DPP10: variants seen among roughly 807,000 people sequenced by gnomAD.
DPP10 encodes inactive dipeptidyl peptidase 10.
In DPP10, 33 loss-of-function variants were observed where a neutral mutation model predicts 120.9. The observed-to-expected ratio is 0.27, with a 90% CI of 0.21 to 0.37. The LOEUF is 0.37. DPP10 is among the 10% of genes least tolerant of loss of function. DPP10 has a pLI of 1.00. For synonymous variants in DPP10, 337 were observed against 326.1 expected (o/e 1.03, Z -0.36); for missense variants, 816 against 942.8 (o/e 0.87, Z 1.76).
At chr2:114,864,349 C>G (rs1206450480) in intron 1 of DPP10, among the ~76,000 whole-genome samples, 1 of 152,186 alleles carries the variant, frequency 6.6e-6, no homozygotes, top group South Asian at 2.1e-4. Context: ...GGCCACATCT[C>G]CCTGTCAGTC....
At chr2:115,785,942 T>C (rs1317695598) in intron 17 of DPP10, among the ~76,000 whole-genome samples, 2 of 152,000 alleles carry the variant, frequency 1.3e-5, no homozygotes, top group African/African-American at 2.4e-5. Flanking sequence ...TAAAATTAAA[T>C]GCTTAGGATA....
At chr2:114,959,140 C>A (rs1199329164) in intron 1 of DPP10, among the ~76,000 whole-genome samples, 1 of 152,150 alleles carries the variant, frequency 6.6e-6, no homozygotes, top group Non-Finnish European at 1.5e-5. Flanking sequence ...CTCACTGCAA[C>A]CTCCACCTCC....
intron 5 of DPP10, among the ~76,000 whole-genome samples, chr2:115,641,016 A>C (rs928022219): frequency 3.9e-5 from 6 of 152,192 alleles, no homozygotes; most frequent in Non-Finnish European, 8.8e-5. Context: ...AATAGCTTTG[A>C]AAATAGAATA....
intron 1 of DPP10, among the ~76,000 whole-genome samples, chr2:115,203,851 T>A (rs1171221150): frequency 6.6e-6 from 1 of 152,186 alleles, no homozygotes; most frequent in Non-Finnish European, 1.5e-5. Context: ...CAATCAAAAT[T>A]CTTTCCCTCC....
chr2:115,216,444 G>A (rs1165314197), intron 1 of DPP10, among the ~76,000 whole-genome samples: 1 of 152,196 alleles, frequency 6.6e-6, no homozygotes, highest in African/African-American at 2.4e-5. Context: ...AAACGCATAT[G>A]TACGTAAGTG....
At chr2:114,878,439 A>T (rs1691332187) in intron 1 of DPP10, among the ~76,000 whole-genome samples, 1 of 152,152 alleles carries the variant, frequency 6.6e-6, no homozygotes, top group South Asian at 2.1e-4. Context: ...GGAAATTTCA[A>T]GTAGTCTCTT....
At chr2:114,826,522 G>A (rs1219063619) in intron 1 of DPP10, among the ~76,000 whole-genome samples, 2 of 152,158 alleles carry the variant, frequency 1.3e-5, no homozygotes, top group East Asian at 3.9e-4. Flanking sequence ...AAGTTGCAAA[G>A]GGCCAGAGAA....
chr2:115,804,932 G>A (rs2149992573), intron 19 of DPP10, among the ~76,000 whole-genome samples: 1 of 152,316 alleles, frequency 6.6e-6, no homozygotes, highest in African/African-American at 2.4e-5. Flanking sequence ...GCTGCATGCT[G>A]GGAAAACTAC....
rs2105505869 is a variant in DPP10 at position 114,654,547 on chromosome 2, G to A, written c.60+211709G>A. ...TGTTCTAGCAGAATTTAAAACAGAGGATGAAACTTGGAGAACTCTGGGCTA... is the reference window on the plus strand; with the variant it reads ...TGTTCTAGCAGAATTTAAAACAGAGAATGAAACTTGGAGAACTCTGGGCTA... On this transcript the variant is annotated intron_variant, in intron 1 of 25. Coordinates refer to ENST00000410059, the MANE Select transcript of DPP10 (RefSeq NM_020868.6). Among the ~76,000 whole-genome samples the A allele has an allele frequency of 2.0e-5, 3 of 152,206 alleles. No homozygotes were observed. The South Asian group carries it at 6.2e-4, about 32-fold the overall frequency.
chr2:115,256,982 T>C (rs2059029443), intron 1 of DPP10, among the ~76,000 whole-genome samples: 1 of 152,200 alleles, frequency 6.6e-6, no homozygotes, highest in East Asian at 1.9e-4. Context: ...ATAAACAGAA[T>C]GCAGCCAAGT....
At chr2:114,807,656 G>A (rs992335655) in intron 1 of DPP10, among the ~76,000 whole-genome samples, 5 of 151,860 alleles carry the variant, frequency 3.3e-5, no homozygotes, top group Admixed American at 2.0e-4. Context: ...TATGATATAC[G>A]TATCTATGTT....
intron 1 of DPP10, among the ~76,000 whole-genome samples, chr2:114,888,178 G>A (rs1211494883): frequency 6.6e-6 from 1 of 150,950 alleles, no homozygotes; most frequent in Non-Finnish European, 1.5e-5. Context: ...AAAAGAAAAT[G>A]AGTATCATAA....
chr2:115,694,685 C>CAA (rs2091487079), intron 7 of DPP10, among the ~76,000 whole-genome samples: 3 of 152,242 alleles, frequency 2.0e-5, no homozygotes, highest in Admixed American at 2.0e-4. Flanking sequence ...ATAACAATTG[C>CAA]TACAGTAGAC....
At chr2:115,211,154 A>G (rs1353294852) in intron 1 of DPP10, among the ~76,000 whole-genome samples, 2 of 152,070 alleles carry the variant, frequency 1.3e-5, no homozygotes, top group East Asian at 3.9e-4. Flanking sequence ...TTATTATTTT[A>G]CAAAATGTAT....
chr2:114,880,352 G>A (rs1170282673), intron 1 of DPP10, among the ~76,000 whole-genome samples: 2 of 152,080 alleles, frequency 1.3e-5, no homozygotes, highest in Admixed American at 6.6e-5. Flanking sequence ...TTTCATATTC[G>A]AGACTTCAAA....
intron 3 of DPP10, among the ~76,000 whole-genome samples, chr2:115,494,649 G>T (rs1307645065): frequency 6.6e-6 from 1 of 152,022 alleles, no homozygotes; most frequent in Admixed American, 6.6e-5. Flanking sequence ...AGATTTATTT[G>T]AGCATTTCCT....
At chr2:115,735,896 A>G (rs1245003761) in intron 8 of DPP10, among the ~76,000 whole-genome samples, 1 of 151,924 alleles carries the variant, frequency 6.6e-6, no homozygotes, top group Non-Finnish European at 1.5e-5. Flanking sequence ...TATTGGGCAA[A>G]AATGTATTTG....
At chr2:115,465,918 C>CACT (rs1264697899) in intron 3 of DPP10, among the ~76,000 whole-genome samples, 1 of 152,150 alleles carries the variant, frequency 6.6e-6, no homozygotes, top group African/African-American at 2.4e-5. Flanking sequence ...ATGAGTCAAA[C>CACT]ACTATCGTTT....
intron 1 of DPP10, among the ~76,000 whole-genome samples, chr2:114,491,536 T>C (rs1455813619): frequency 6.6e-6 from 1 of 152,194 alleles, no homozygotes; most frequent in Non-Finnish European, 1.5e-5. Context: ...CTCCAGTTTG[T>C]CACACACATC....
Sources: allele counts gnomAD v4.1 joint callset (sites outside exome capture counted in the v4.1 genomes callset), GRCh38; gene constraint gnomAD v4.1.1; transcripts MANE v1.5; gene names NCBI Gene and HGNC (gene_info 2026-07-23, HGNC 2026-07-21).